ANK2: variants seen among roughly 807,000 people sequenced by gnomAD.
ANK2 encodes ankyrin 2.
ANK2 carries 83 observed loss-of-function variants against 360.5 expected under a neutral mutation model. The ratio of observed to expected loss-of-function variants is 0.23; its 90% confidence interval spans 0.19 to 0.28. ANK2 has a LOEUF of 0.28. Ranked by LOEUF, ANK2 falls within the 10% of genes least tolerant of loss-of-function variation. The probability of loss-of-function intolerance (pLI) is 1.00; values close to 1 mark genes in which losing one functional copy is unlikely to be tolerated. For missense variants in ANK2, 4,201 were observed against 4,795.7 expected, an observed-to-expected ratio of 0.88 and a Z score of 3.66; for synonymous variants, 1,740 against 1,759.5, an observed-to-expected ratio of 0.99 and a Z score of 0.28.
chr4:112,847,225 C>T (rs1306666034), intron 1 of ANK2, among the ~76,000 whole-genome samples: 1 of 152,152 alleles, frequency 6.6e-6, no homozygotes. Context: ...TCTGTGTGTC[C>T]TGTGGATACT....
intron 2 of ANK2, among the ~76,000 whole-genome samples, chr4:112,953,793 G>T (rs114283492): frequency 6.6e-6 from 1 of 152,108 alleles, no homozygotes; most frequent in Non-Finnish European, 1.5e-5. Context: ...GGTGCTTGGT[G>T]GTTTAATAAG....
chr4:113,148,040 C>A lies in ANK2; in HGVS notation c.85-26376C>A, dbSNP rs552823281. Among the ~76,000 whole-genome samples, 93 of 152,266 alleles carry A rather than the reference C, an allele frequency of 6.1e-4. 2 individuals carry two copies. In the South Asian group the frequency reaches 0.011, roughly 18 times the overall value. Reference sequence around the variant, plus strand: ...GTGAAAGAAGCAGCTCTTGGAGATGCCTTACAGACTTTGCCCTGGATCCTA... The same window carrying A: ...GTGAAAGAAGCAGCTCTTGGAGATGACTTACAGACTTTGCCCTGGATCCTA... On this transcript the variant is annotated intron_variant, in intron 1 of 45. Coordinates refer to ENST00000357077, the MANE Select transcript of ANK2 (RefSeq NM_001148.6).
chr4:112,854,689 A>G (rs2065898292), intron 1 of ANK2, among the ~76,000 whole-genome samples: 1 of 152,226 alleles, frequency 6.6e-6, no homozygotes, highest in South Asian at 2.1e-4. Context: ...TGATTGACCA[A>G]CATTGGAACT....
intron 2 of ANK2, among the ~76,000 whole-genome samples, chr4:112,997,369 A>C (rs958135051): frequency 6.6e-6 from 1 of 152,096 alleles, no homozygotes; most frequent in African/African-American, 2.4e-5. Flanking sequence ...TTTCTGACTG[A>C]CCAAATCTGT....
In ANK2 at chr4:113,227,514, TA is replaced by T. The variant is rs372666805; in HGVS notation, c.385-4640del. On this transcript the variant is annotated intron_variant, in intron 4 of 45. Coordinates refer to ENST00000357077, the MANE Select transcript of ANK2 (RefSeq NM_001148.6). Reference sequence around the variant, plus strand: ...AAGGCAATTTAAAAAAATGTGCTCTTAAAAAAATGCTCATTTTTGGGCTTTA... The same window carrying T: ...AAGGCAATTTAAAAAAATGTGCTCTTAAAAAATGCTCATTTTTGGGCTTTA... 7.9e-5 allele frequency among the ~76,000 whole-genome samples: 12 copies of T among 152,316 alleles called. No individual in the cohort carries two copies. In the East Asian group the frequency reaches 1.7e-3, roughly 22 times the overall value.
At chr4:112,996,609 A>C (rs1248446960) in intron 2 of ANK2, among the ~76,000 whole-genome samples, 1 of 151,942 alleles carries the variant, frequency 6.6e-6, no homozygotes, top group Non-Finnish European at 1.5e-5. Flanking sequence ...TTTAATTTTT[A>C]AATTTTGTGG....
At chr4:113,174,742 T>C (rs1282992521) in intron 2 of ANK2, among the ~76,000 whole-genome samples, 1 of 152,200 alleles carries the variant, frequency 6.6e-6, no homozygotes, top group Admixed American at 6.5e-5. Context: ...CAACTGAATG[T>C]CAATTTTGTT....
At chr4:112,816,228 A>G (rs1457389752), upstream of ANK2, among the ~76,000 whole-genome samples, 2 of 152,212 alleles carry the variant, frequency 1.3e-5, no homozygotes, top group Admixed American at 6.5e-5. Flanking sequence ...AAAAACCCAC[A>G]TATCTGGTGT....
At chr4:113,373,257 T>C (rs756943475) in intron 44 of ANK2, 28 bp from the exon 45 acceptor site, 1 of 1,613,880 alleles carries the variant, frequency 6.2e-7, no homozygotes, top group Non-Finnish European at 8.5e-7. Context: ...CACACAAAAA[T>C]AAGATACACA....
chr4:113,231,837 T>G (rs1297123310), intron 4 of ANK2, among the ~76,000 whole-genome samples: 2 of 152,162 alleles, frequency 1.3e-5, no homozygotes, highest in African/African-American at 2.4e-5. Flanking sequence ...CCTGACCTCA[T>G]GATCCACCCG....
chr4:113,319,423 AT>A (rs1163534638), intron 26 of ANK2, among the ~76,000 whole-genome samples: 1 of 151,212 alleles, frequency 6.6e-6, no homozygotes, highest in Non-Finnish European at 1.5e-5. Context: ...TTATTTAATT[AT>A]TTTTAAAGCC....
the ANK2 span, among the ~76,000 whole-genome samples, chr4:112,764,843 G>A: frequency 6.6e-6 from 1 of 151,786 alleles, no homozygotes; most frequent in African/African-American, 2.4e-5. Flanking sequence ...GAGTAGCTGG[G>A]ATTACAGGCA....
At chr4:112,830,949 G>A (rs12503358) in intron 1 of ANK2, among the ~76,000 whole-genome samples, 70,726 of 152,044 alleles carry the variant, frequency 0.47, 17,450 homozygotes, top group East Asian at 0.9. Flanking sequence ...CTTAGCACCC[G>A]GGCCAGCAGC....
At chr4:113,312,277 C>T (rs1188894665) in intron 24 of ANK2, among the ~76,000 whole-genome samples, 1 of 117,048 alleles carries the variant, frequency 8.5e-6, no homozygotes, top group Admixed American at 8.5e-5. Context: ...TCTCTTGAGA[C>T]AGAAAAAAAA....
chr4:112,869,474 G>A (rs1008707237), intron 1 of ANK2, among the ~76,000 whole-genome samples: 4 of 151,934 alleles, frequency 2.6e-5, no homozygotes, highest in African/African-American at 9.7e-5. Flanking sequence ...GTAGAGATGG[G>A]TTTTTGCCAT....
chr4:112,843,513 A>T (rs2062621355), intron 1 of ANK2, among the ~76,000 whole-genome samples: 1 of 152,164 alleles, frequency 6.6e-6, no homozygotes, highest in Non-Finnish European at 1.5e-5. Context: ...TAAAAAACAA[A>T]ACATTGCATG....
At chr4:113,240,703 C>A in intron 8 of ANK2, 120 bp downstream of exon 8, 1 of 820,680 alleles carries the variant, frequency 1.2e-6, no homozygotes, top group Non-Finnish European at 2.0e-6. Context: ...TGGGTCTGTG[C>A]TGGAGATACT....
At chr4:113,291,391 C>A (rs936167207) in intron 20 of ANK2, among the ~76,000 whole-genome samples, 12 of 152,162 alleles carry the variant, frequency 7.9e-5, no homozygotes, top group Non-Finnish European at 1.5e-4. Flanking sequence ...CTGGGGTCAT[C>A]CCATTGTAGG....
chr4:113,009,930 ACACACACACACACACACT>A (rs1475230164), intron 2 of ANK2, among the ~76,000 whole-genome samples: 1 of 151,646 alleles, frequency 6.6e-6, no homozygotes, highest in Non-Finnish European at 1.5e-5. Context: ...GAGAGTACAC[ACACACACACACACACACT>A]CACACACACG....
Sources: gnomAD v4.1 joint callset for allele counts (sites outside exome capture counted in the v4.1 genomes callset) on GRCh38, gnomAD v4.1.1 for gene constraint, MANE v1.5 for transcripts, NCBI Gene and HGNC (gene_info 2026-07-23, HGNC 2026-07-21) for gene names.